Variants in IP6K1 observed in about 807,000 individuals in gnomAD.
IP6K1 encodes ATP:1D-myo-inositol-hexakisphosphate phosphotransferase.
A neutral mutation model predicts 38.3 loss-of-function variants in IP6K1; 13 were observed. The observed-to-expected ratio is 0.34, with a 90% CI of 0.22 to 0.54. The LOEUF (loss-of-function observed/expected upper bound fraction) is 0.54, where lower values mean the gene tolerates loss of function less well. Among genes scored for constraint, IP6K1 ranks in the 20% least tolerant of loss-of-function variants. IP6K1 has a pLI of 0.92. For synonymous variants in IP6K1, 212 were observed against 229.9 expected (o/e 0.92, Z 0.70); for missense variants, 397 against 599.8 (o/e 0.66, Z 3.53).
intron 1 of IP6K1, chr3:49,758,463 G>C (rs2080842869): frequency 6.6e-6 from 1 of 152,050 alleles, no homozygotes; most frequent in African/African-American, 2.4e-5. Context: ...TACCTATCAA[G>C]GACAGTAACT....
chr3:49,726,993 TTC>T lies in IP6K1; in HGVS notation c.*127_*128del. On this transcript the variant is annotated 3_prime_UTR_variant, in exon 6 of 6. Coordinates refer to ENST00000321599, the MANE Select transcript of IP6K1 (RefSeq NM_153273.4). ...GATTCCAGGCTACAGCTAAAAACAT[TTC>T]TTTTAGTTTACACCAAAGAGAAATA... 2 of 975,254 alleles carry T rather than the reference TTC, an allele frequency of 2.1e-6. No homozygotes were observed. Among genetic ancestry groups the T allele is most frequent in the Non-Finnish European group, 3.1e-6 (2 of 654,844 alleles). The allele number at this position is 975,254 out of a possible 1,614,324, so 60.4% of individuals were successfully genotyped here.
chr3:49,735,362 T>C (rs2080599965), intron 3 of IP6K1, among the ~76,000 whole-genome samples: 1 of 152,032 alleles, frequency 6.6e-6, no homozygotes, highest in Non-Finnish European at 1.5e-5. Context: ...ACCTTGTCTC[T>C]AAAAAGAGTG....
intron 1 of IP6K1, among the ~76,000 whole-genome samples, chr3:49,749,329 G>A (rs987006914): frequency 6.6e-6 from 1 of 152,182 alleles, no homozygotes; most frequent in African/African-American, 2.4e-5. Context: ...ATACCAACCA[G>A]TGGGACAAGG....
In IP6K1 at chr3:49,742,561, G is replaced by GA. The variant is rs957843166; in HGVS notation, c.224-4140dup. The stretch of plus-strand genomic sequence containing the variant: ...GAGACTCCATCTCAAAAAAGAAAAA[G>GA]AAAAAAAAATAGAAGCATAGTGGAA... On this transcript the variant is annotated intron_variant, in intron 2 of 5. Transcript: ENST00000321599. Among the ~76,000 whole-genome samples the GA allele has an allele frequency of 1.5e-4, 22 of 147,658 alleles. No individual in the cohort carries two copies. The East Asian group carries it at 2.6e-3, about 18-fold the overall frequency.
intron 2 of IP6K1, 88 bp downstream of exon 2, chr3:49,747,730 T>C (rs1285456024): frequency 2.6e-6 from 4 of 1,556,396 alleles, no homozygotes; most frequent in East Asian, 4.6e-5. Context: ...TACAATGATA[T>C]ATCATGGCAA....
chr3:49,765,569 G>T (rs940840693), intron 1 of IP6K1, among the ~76,000 whole-genome samples: 9 of 144,866 alleles, frequency 6.2e-5, no homozygotes, highest in African/African-American at 2.3e-4. Flanking sequence ...AGAATCACTT[G>T]AACATGGGAA....
intron 1 of IP6K1, among the ~76,000 whole-genome samples, chr3:49,753,487 T>C (rs1213463732): frequency 1.3e-5 from 2 of 152,200 alleles, no homozygotes; most frequent in African/African-American, 2.4e-5. Context: ...TTACATACTT[T>C]ACTTACTGAT....
At position 49,732,862 on chromosome 3, in the gene IP6K1, G is replaced by T; in HGVS notation, c.545C>A (p.Pro182His). 2 of 1,614,166 alleles carry T rather than the reference G, an allele frequency of 1.2e-6. No individual in the cohort carries two copies. The highest frequency in any genetic ancestry group is 1.7e-6 in the Non-Finnish European group (2 of 1,180,026). ...CTGCTTGTGACAACGCAGGCTCCAG[G>T]GGTTGTGGCTGATCTTCTCAGAACT... ...GLSSEKISHN[P>H]WSLRCHKQQL... Residue 182 changes from proline to histidine, a missense_variant, in exon 4 of 6, where the codon CCC becomes CAC. Pro to His is a moderately conservative substitution (Grantham distance 77). Transcript: ENST00000321599.
chr3:49,729,876 C>T (rs1452563682), intron 4 of IP6K1, among the ~76,000 whole-genome samples: 1 of 151,896 alleles, frequency 6.6e-6, no homozygotes, highest in Non-Finnish European at 1.5e-5. Flanking sequence ...GGACTACAGG[C>T]ATGCCTAATT....
At position 49,725,833 on chromosome 3, in the gene IP6K1, G is replaced by C. The variant is rs1295117514; in HGVS notation, c.*1289C>G. 1 of 152,426 alleles carries C rather than the reference G, an allele frequency of 6.6e-6. No homozygotes were observed. Among genetic ancestry groups the C allele is most frequent in the Non-Finnish European group, 1.5e-5 (1 of 68,058 alleles). The allele number at this position is 152,426 out of a possible 1,614,324, so 9.4% of individuals were successfully genotyped here. On this transcript the variant is annotated 3_prime_UTR_variant, in exon 6 of 6. Coordinates refer to ENST00000321599, the MANE Select transcript of IP6K1 (RefSeq NM_153273.4). ...TCTAGGCCCACAGAAATGGTGCTGG[G>C]TCAACAGGGAAACACCAATTTATTC... is the stretch of plus-strand genomic sequence containing the variant.
chr3:49,736,666 A>G (rs1300242284), intron 3 of IP6K1, among the ~76,000 whole-genome samples: 1 of 152,204 alleles, frequency 6.6e-6, no homozygotes, highest in Admixed American at 6.5e-5. Context: ...CCTAATAGAA[A>G]TAATTTTAAG....
intron 2 of IP6K1, among the ~76,000 whole-genome samples, chr3:49,746,024 A>G (rs2108235600): frequency 6.6e-6 from 1 of 152,328 alleles, no homozygotes; most frequent in Admixed American, 6.5e-5. Context: ...ACACACATCC[A>G]CTAGGATGGC....
chr3:49,732,584 C>G (rs2080572050), intron 4 of IP6K1, among the ~76,000 whole-genome samples: 1 of 152,160 alleles, frequency 6.6e-6, no homozygotes, highest in Admixed American at 6.5e-5. Flanking sequence ...TCTAGACTGC[C>G]AAGTTTTAAG....
chr3:49,773,282 C>A (rs1340159491), intron 1 of IP6K1, among the ~76,000 whole-genome samples: 1 of 152,186 alleles, frequency 6.6e-6, no homozygotes, highest in African/African-American at 2.4e-5. Context: ...CCAAGGTCAG[C>A]ACTTACTTTA....
intron 1 of IP6K1, among the ~76,000 whole-genome samples, chr3:49,751,535 C>T (rs1214010746): frequency 2.0e-5 from 3 of 152,044 alleles, no homozygotes; most frequent in Non-Finnish European, 2.9e-5. Context: ...AAACTACTGT[C>T]TGAGAAGGCC....
intron 1 of IP6K1, among the ~76,000 whole-genome samples, chr3:49,780,994 G>C (rs1361140587): frequency 2.0e-5 from 3 of 151,696 alleles, no homozygotes; most frequent in Admixed American, 6.6e-5. Flanking sequence ...GGCGCAAAAA[G>C]ACACAAAAAG....
At chr3:49,755,987 G>A (rs558797155) in intron 1 of IP6K1, among the ~76,000 whole-genome samples, 1 of 152,312 alleles carries the variant, frequency 6.6e-6, no homozygotes, top group East Asian at 1.9e-4. Flanking sequence ...CTTCATGTAA[G>A]TAGGGCTGTC....
At chr3:49,764,149 A>C (rs2080888977) in intron 1 of IP6K1, among the ~76,000 whole-genome samples, 1 of 152,056 alleles carries the variant, frequency 6.6e-6, no homozygotes, top group African/African-American at 2.4e-5. Flanking sequence ...TGGGAGGTGA[A>C]CGTGAGAGGA....
In IP6K1 at chr3:49,747,880, C is replaced by T. The variant is rs377655659; in HGVS notation, c.161G>A (p.Arg54Gln). 3.3e-5 allele frequency: 53 copies of T among 1,614,004 alleles called. No individual in the cohort carries two copies. Among genetic ancestry groups the T allele is most frequent in the African/African-American group, 4.0e-5 (3 of 74,922 alleles). The change falls in exon 2 of 6, where the codon CGG becomes CAG. Residue 54 changes from arginine (R) to glutamine (Q), a missense_variant. Coordinates refer to ENST00000321599, the MANE Select transcript of IP6K1 (RefSeq NM_153273.4). ...DHTVCKPLIS[R>Q]EQRFYESLPP... ...GAGGGACTCGTAAAAGCGCTGTTCCCGGGAGATGAGGGGCTTGCACACAGT... is the reference window on the plus strand; with the variant it reads ...GAGGGACTCGTAAAAGCGCTGTTCCTGGGAGATGAGGGGCTTGCACACAGT...
Sources: gnomAD v4.1 joint callset for allele counts (sites outside exome capture counted in the v4.1 genomes callset) on GRCh38, gnomAD v4.1.1 for gene constraint, MANE v1.5 for transcripts, NCBI Gene and HGNC (gene_info 2026-07-23, HGNC 2026-07-21) for gene names.